The following LIPC variants were observed in gnomAD, a reference collection of about 807,000 sequenced individuals.
The protein encoded by LIPC is lipase C, hepatic type.
A neutral mutation model predicts 50.7 loss-of-function variants in LIPC; 44 were observed. The observed-to-expected ratio is 0.87, with a 90% CI of 0.68 to 1.11. The LOEUF (loss-of-function observed/expected upper bound fraction) is 1.11, where lower values mean the gene tolerates loss of function less well. Ranked by LOEUF, LIPC falls within the 50% of genes most tolerant of loss-of-function variation. The probability of loss-of-function intolerance (pLI) is 0.00; values close to 1 mark genes in which losing one functional copy is unlikely to be tolerated. For missense variants in LIPC, 697 were observed against 648.2 expected (o/e 1.08, Z -0.82); for synonymous variants, 271 against 256.4 (o/e 1.06, Z -0.54).
chr15:58,478,845 A>AAATG (rs1891091486), intron 1 of LIPC, among the ~76,000 whole-genome samples: 1 of 152,250 alleles, frequency 6.6e-6, no homozygotes, highest in South Asian at 2.1e-4. Flanking sequence ...ATGCATGAAT[A>AAATG]AATGAATGAA....
rs1566955157 is a variant in LIPC, at chr15:58,567,319, ATGTGTATATATATATATATGTATATG to A, written c.1389-1395_1389-1370del. Among the ~76,000 whole-genome samples the A allele has an allele frequency of 4.9e-3, 394 of 80,340 alleles. 3 individuals are homozygous for A. The highest frequency in any genetic ancestry group is 0.026 in the African/African-American group (347 of 13,546). 52.7% of individuals were successfully genotyped at this position (80,340 alleles called of 152,430 possible). On this transcript the variant is annotated intron_variant, in intron 8 of 8. Coordinates refer to ENST00000299022, the MANE Select transcript of LIPC (RefSeq NM_000236.3). ...CATATATATATACATATATATGTAT[ATGTGTATATATATATATATGTATATG>A]TATATATATATATGTATATGTATAT...
At chr15:58,503,128 T>G (rs1277492328) in intron 1 of LIPC, among the ~76,000 whole-genome samples, 1 of 152,166 alleles carries the variant, frequency 6.6e-6, no homozygotes, top group Non-Finnish European at 1.5e-5. Context: ...ATGGACAATC[T>G]CTTAACCCTC....
At chr15:58,500,287 T>C (rs1416126991) in intron 1 of LIPC, among the ~76,000 whole-genome samples, 1 of 152,182 alleles carries the variant, frequency 6.6e-6, no homozygotes, top group East Asian at 1.9e-4. Flanking sequence ...AAATGACTGC[T>C]GCATAGGCTG....
intron 1 of LIPC, among the ~76,000 whole-genome samples, chr15:58,501,483 A>G (rs1385905411): frequency 6.6e-6 from 1 of 151,164 alleles, no homozygotes; most frequent in Admixed American, 6.6e-5. Context: ...TTTTCCATGT[A>G]TTTTTAACAT....
chr15:58,497,384 G>T (rs1399650774), intron 1 of LIPC, among the ~76,000 whole-genome samples: 1 of 151,940 alleles, frequency 6.6e-6, no homozygotes, highest in African/African-American at 2.4e-5. Flanking sequence ...TGTTTATTGG[G>T]CAAGGAGAAG....
intron 1 of LIPC, among the ~76,000 whole-genome samples, chr15:58,467,412 C>A (rs548335944): frequency 2.5e-4 from 38 of 152,262 alleles, no homozygotes; most frequent in African/African-American, 8.7e-4. Flanking sequence ...GTTTCCGCTC[C>A]GTTGCTTATT....
At chr15:58,449,236 C>A (rs1343154196) in intron 1 of LIPC, among the ~76,000 whole-genome samples, 1 of 152,176 alleles carries the variant, frequency 6.6e-6, no homozygotes, top group Non-Finnish European at 1.5e-5. Context: ...GGATAATGGA[C>A]TGTTATGAAG....
At chr15:58,478,214 C>A (rs780130018) in intron 1 of LIPC, among the ~76,000 whole-genome samples, 1 of 152,168 alleles carries the variant, frequency 6.6e-6, no homozygotes, top group Non-Finnish European at 1.5e-5. Flanking sequence ...AGACACTTCA[C>A]AAACTCACTC....
intron 4 of LIPC, among the ~76,000 whole-genome samples, chr15:58,543,871 T>C (rs1307589287): frequency 6.6e-6 from 1 of 152,120 alleles, no homozygotes; most frequent in Non-Finnish European, 1.5e-5. Context: ...ATCCACCATC[T>C]CGGCCTCCCA....
At chr15:58,449,154 G>A (rs960541967) in intron 1 of LIPC, among the ~76,000 whole-genome samples, 1 of 152,194 alleles carries the variant, frequency 6.6e-6, no homozygotes, top group East Asian at 1.9e-4. Context: ...TTCCTAGATG[G>A]CTACTCAGAC....
At chr15:58,460,477 G>GA (rs561162037) in intron 1 of LIPC, among the ~76,000 whole-genome samples, 8 of 152,206 alleles carry the variant, frequency 5.3e-5, no homozygotes, top group Non-Finnish European at 1.0e-4. Flanking sequence ...TCTCAGCCTC[G>GA]TACTGCGTGC....
At chr15:58,555,013 C>T (rs1488224606) in intron 6 of LIPC, among the ~76,000 whole-genome samples, 2 of 152,148 alleles carry the variant, frequency 1.3e-5, no homozygotes, top group Admixed American at 1.3e-4. Flanking sequence ...GCCCACACAC[C>T]TTGGCACGTT....
chr15:58,504,181 G>C (rs1292989960), intron 1 of LIPC, among the ~76,000 whole-genome samples: 1 of 152,156 alleles, frequency 6.6e-6, no homozygotes, highest in Non-Finnish European at 1.5e-5. Context: ...ACCCCCTCAA[G>C]ATTCTAGGCC....
chr15:58,474,625 T>C (rs1483437305), intron 1 of LIPC, among the ~76,000 whole-genome samples: 1 of 152,018 alleles, frequency 6.6e-6, no homozygotes, highest in Non-Finnish European at 1.5e-5. Context: ...AGGTCTCCCC[T>C]ACGTTGAGCC....
intron 1 of LIPC, among the ~76,000 whole-genome samples, chr15:58,447,933 A>G (rs1893758264): frequency 6.6e-6 from 1 of 152,230 alleles, no homozygotes. Flanking sequence ...ACAAAGAAGA[A>G]TAAGACACAG....
At chr15:58,527,682 T>C (rs1393208376) in intron 1 of LIPC, among the ~76,000 whole-genome samples, 1 of 152,180 alleles carries the variant, frequency 6.6e-6, no homozygotes, top group Non-Finnish European at 1.5e-5. Context: ...GACCATGAGC[T>C]TTTTGAAAGC....
At chr15:58,472,289 A>G (rs1449267230) in intron 1 of LIPC, among the ~76,000 whole-genome samples, 35 of 147,792 alleles carry the variant, frequency 2.4e-4, no homozygotes, top group African/African-American at 4.9e-4. Flanking sequence ...AAAAAAAAAA[A>G]AAAAGAAATC....
chr15:58,484,264 G>A (rs1265183864), intron 1 of LIPC, among the ~76,000 whole-genome samples: 1 of 152,094 alleles, frequency 6.6e-6, no homozygotes, highest in African/African-American at 2.4e-5. Flanking sequence ...TACTCCATTT[G>A]GTGATAATCC....
chr15:58,529,502 A>G (rs1429882692), intron 1 of LIPC, among the ~76,000 whole-genome samples: 4 of 152,240 alleles, frequency 2.6e-5, no homozygotes, highest in South Asian at 2.1e-4. Context: ...GGTATTTTCC[A>G]TAGACAAGAG....
Sources: gnomAD v4.1 joint callset for allele counts (sites outside exome capture counted in the v4.1 genomes callset) on GRCh38, gnomAD v4.1.1 for gene constraint, MANE v1.5 for transcripts, NCBI Gene and HGNC (gene_info 2026-07-23, HGNC 2026-07-21) for gene names.